Variants in RMDN2 observed in about 807,000 individuals in gnomAD.
RMDN2 encodes the protein regulator of microtubule dynamics protein 2.
RMDN2 carries 61 observed loss-of-function variants against 52.8 expected under a neutral mutation model. That is an observed-to-expected ratio of 1.16 (90% CI 0.94 to 1.43). RMDN2 has a LOEUF of 1.43. Among genes scored for constraint, RMDN2 ranks in the 40% most tolerant of loss-of-function variants. The pLI, the probability that RMDN2 is intolerant of heterozygous loss-of-function variation, is 0.00. For missense variants in RMDN2, 592 were observed against 475.3 expected, an observed-to-expected ratio of 1.25 and a Z score of -2.28; for synonymous variants, 180 against 153.1, an observed-to-expected ratio of 1.18 and a Z score of -1.30.
At chr2:38,022,175 A>G (rs1390180199), downstream of RMDN2, among the ~76,000 whole-genome samples, 1 of 152,212 alleles carries the variant, frequency 6.6e-6, no homozygotes, top group Admixed American at 6.5e-5. Flanking sequence ...TGAGGAAACA[A>G]ACCAAAATAA....
At chr2:37,961,081 T>C (rs1247714196) in intron 2 of RMDN2, among the ~76,000 whole-genome samples, 2 of 152,236 alleles carry the variant, frequency 1.3e-5, no homozygotes, top group Admixed American at 1.3e-4. Context: ...TGGGCTTCCC[T>C]TTGTTGGTAA....
chr2:37,932,661 T>G, intron 2 of RMDN2, among the ~76,000 whole-genome samples: 1 of 144,334 alleles, frequency 6.9e-6, no homozygotes. Flanking sequence ...GCCCCTCACC[T>G]CACGGGGCGG....
chr2:38,058,888 C>G (rs1276438147), intron 10 of RMDN2, among the ~76,000 whole-genome samples: 1 of 152,198 alleles, frequency 6.6e-6, no homozygotes, highest in Non-Finnish European at 1.5e-5. Flanking sequence ...TACCTGAAAA[C>G]TCTTGTGTAT....
chr2:38,031,879 T>G (rs986124259), intron 10 of RMDN2, among the ~76,000 whole-genome samples: 5 of 152,048 alleles, frequency 3.3e-5, no homozygotes, highest in African/African-American at 1.2e-4. Flanking sequence ...GACCCCAACT[T>G]AAGTTTCTTG....
chr2:37,978,301 G>C (rs1174681169), intron 4 of RMDN2, among the ~76,000 whole-genome samples: 2 of 132,788 alleles, frequency 1.5e-5, no homozygotes, highest in Non-Finnish European at 3.2e-5. Flanking sequence ...GCATCAGAGG[G>C]AGACCGTGCA....
At chr2:37,926,537 TTG>T (rs1666293288) in intron 1 of RMDN2, among the ~76,000 whole-genome samples, 1 of 152,358 alleles carries the variant, frequency 6.6e-6, no homozygotes, top group South Asian at 2.1e-4. Context: ...ACATAATACT[TTG>T]TATCTGATTA....
intron 2 of RMDN2, among the ~76,000 whole-genome samples, chr2:37,962,488 CTG>C (rs1670376928): frequency 6.6e-6 from 1 of 152,202 alleles, no homozygotes; most frequent in African/African-American, 2.4e-5. Flanking sequence ...TTTGTTTACA[CTG>C]TGTGGGGAAA....
In RMDN2 at chr2:38,063,864, T is replaced by A. The variant is rs149164421; in HGVS notation, c.1714-3118T>A. Among the ~76,000 whole-genome samples, 173 of 152,356 alleles carry A rather than the reference T, an allele frequency of 1.1e-3. 1 individual carries two copies. Among genetic ancestry groups the A allele is most frequent in the Middle Eastern group, 0.01 (3 of 294 alleles). ...TATGTTATCAGTTTTGTCATTTTTTTAAAAATTTAGCCACTATGATAGGTT... is the reference window on the plus strand; with the variant it reads ...TATGTTATCAGTTTTGTCATTTTTTAAAAAATTTAGCCACTATGATAGGTT... On this transcript the variant is annotated intron_variant, in intron 10 of 10. Coordinates refer to the RMDN2 transcript ENST00000234195.
chr2:38,016,170 C>T (rs909315653), intron 10 of RMDN2, among the ~76,000 whole-genome samples: 9 of 152,218 alleles, frequency 5.9e-5, no homozygotes, highest in Admixed American at 3.9e-4. Context: ...AGAGACTATA[C>T]TGAATGCTCG....
chr2:38,006,419 C>T (rs1677094998), intron 10 of RMDN2, among the ~76,000 whole-genome samples: 2 of 152,178 alleles, frequency 1.3e-5, no homozygotes, highest in Admixed American at 1.3e-4. Context: ...AGGTCCTTCA[C>T]GTCCCTTGTA....
At chr2:37,990,850 AT>A (rs1216014078) in intron 6 of RMDN2, among the ~76,000 whole-genome samples, 1 of 152,010 alleles carries the variant, frequency 6.6e-6, no homozygotes, top group East Asian at 1.9e-4. Context: ...TAACTCTGCT[AT>A]TTTTTCTGCC....
intron 2 of RMDN2, among the ~76,000 whole-genome samples, chr2:37,944,050 A>T (rs1053167146): frequency 3.3e-5 from 5 of 152,160 alleles, no homozygotes; most frequent in Non-Finnish European, 7.4e-5. Context: ...TTTTGTTTAC[A>T]CATAGGGGAA....
At chr2:37,950,004 G>T (rs951695139) in intron 2 of RMDN2, 9 of 170,788 alleles carry the variant, frequency 5.3e-5, no homozygotes, top group Admixed American at 3.9e-4. Flanking sequence ...CAAGGTGAAC[G>T]ATGCTTGTTT....
rs576692532 is a variant in RMDN2, at chr2:37,958,584, C to A, written c.453-15456C>A. Among the ~76,000 whole-genome samples, 13 of 151,064 alleles carry A rather than the reference C, an allele frequency of 8.6e-5. 2 individuals are homozygous for A. Among genetic ancestry groups the A allele is most frequent in the African/African-American group, 3.2e-4 (13 of 40,372 alleles). ...AATATACAATTATGATATCCGCAAA[C>A]AGAGACAATTTGACTTCCTCTCTTT... On this transcript the variant is annotated intron_variant, in intron 2 of 10. Transcript: ENST00000354545.
intron 7 of RMDN2, among the ~76,000 whole-genome samples, chr2:37,993,251 C>T (rs938305767): frequency 6.6e-6 from 1 of 152,066 alleles, no homozygotes; most frequent in Non-Finnish European, 1.5e-5. Context: ...AAAATCTTTG[C>T]TCTTAACTAG....
Position 38,024,047 on chromosome 2 carries a change from C to G in RMDN2, c.1713+19831C>G, listed in dbSNP as rs1238332835. On this transcript the variant is annotated intron_variant, in intron 10 of 10. Transcript: ENST00000234195. ...ATAAGTAGAATTATGTGTTATACACCCCTTTGTCTGACTTCTTTCCCTCAG... is the reference window on the plus strand; with the variant it reads ...ATAAGTAGAATTATGTGTTATACACGCCTTTGTCTGACTTCTTTCCCTCAG... Among the ~76,000 whole-genome samples, 5 of 151,906 alleles carry G rather than the reference C, an allele frequency of 3.3e-5. No homozygotes were observed. The South Asian group carries it at 1.0e-3, about 32-fold the overall frequency.
At chr2:37,951,293 C>A (rs181813340) in intron 2 of RMDN2, 6 of 1,611,598 alleles carry the variant, frequency 3.7e-6, no homozygotes, top group African/African-American at 1.3e-5. Context: ...TTAGTACAGA[C>A]GCCCAGCATC....
chr2:38,013,100 C>T (rs982279030), intron 10 of RMDN2, among the ~76,000 whole-genome samples: 2 of 152,098 alleles, frequency 1.3e-5, no homozygotes, highest in African/African-American at 4.8e-5. Flanking sequence ...TTTTCTTGAC[C>T]CTAGGAAAGT....
chr2:38,007,864 C>T lies in RMDN2; in HGVS notation c.1179+3648C>T, dbSNP rs1414761008. Reference sequence around the variant, plus strand: ...ATTTAGTGCTATAAATTTCCCTCTACACACTGCTTCGAATGTGTCCCAGAG... The same window carrying T: ...ATTTAGTGCTATAAATTTCCCTCTATACACTGCTTCGAATGTGTCCCAGAG... On this transcript the variant is annotated intron_variant, in intron 10 of 10. Transcript: ENST00000354545. 3.9e-5 allele frequency among the ~76,000 whole-genome samples: 6 copies of T among 152,156 alleles called. No individual in the cohort carries two copies. In the East Asian group the frequency reaches 1.2e-3, roughly 29 times the overall value.
Sources: gnomAD v4.1 joint callset for allele counts (sites outside exome capture counted in the v4.1 genomes callset) on GRCh38, gnomAD v4.1.1 for gene constraint, MANE v1.5 for transcripts, NCBI Gene and HGNC (gene_info 2026-07-23, HGNC 2026-07-21) for gene names.